CA12: variants seen among roughly 807,000 people sequenced by gnomAD.
The protein encoded by CA12 is carbonate dehydratase XII.
In CA12, 36 loss-of-function variants were observed where a neutral mutation model predicts 46.8. The ratio of observed to expected loss-of-function variants is 0.77; its 90% CI spans 0.59 to 1.02. CA12 has a LOEUF of 1.02. Among genes scored for constraint, CA12 ranks in the 50% least tolerant of loss-of-function variants. CA12 has a pLI of 0.00. For missense variants in CA12, 436 were observed against 451.4 expected (o/e 0.97, Z 0.31); for synonymous variants, 202 against 187.0 (o/e 1.08, Z -0.65).
intron 2 of CA12, among the ~76,000 whole-genome samples, chr15:63,357,925 TG>T (rs1259965097): frequency 6.6e-6 from 1 of 152,198 alleles, no homozygotes; most frequent in Non-Finnish European, 1.5e-5. Context: ...ATACAATATG[TG>T]GTCAATTGCA....
Position 63,342,025 on chromosome 15 carries a change from C to T in CA12, c.502G>A (p.Ala168Thr), listed in dbSNP as rs369979536. 2.2e-5 allele frequency: 36 copies of T among 1,613,612 alleles called. No individual in the cohort carries two copies. Among genetic ancestry groups the T allele is most frequent in the Middle Eastern group, 1.6e-4 (1 of 6,062 alleles). Reference sequence around the variant, plus strand: ...ACCTCAATGAGAACAGCCAGGACAGCGAGGCCTTCTGACTTGTTGCTGGCA... The same window carrying T: ...ACCTCAATGAGAACAGCCAGGACAGTGAGGCCTTCTGACTTGTTGCTGGCA... ...STASNKSEGL[A>T]VLAVLIEMGS... Residue 168 changes from alanine (A) to threonine (T), a missense_variant, in exon 5 of 11, where the codon GCT becomes ACT. Ala to Thr is a moderately conservative substitution (Grantham distance 58, BLOSUM62 0). Coordinates refer to ENST00000178638, the MANE Select transcript of CA12 (RefSeq NM_001218.5).
intron 2 of CA12, among the ~76,000 whole-genome samples, chr15:63,357,611 G>C (rs2039311067): frequency 6.6e-6 from 1 of 152,066 alleles, no homozygotes; most frequent in Non-Finnish European, 1.5e-5. Flanking sequence ...AGCAGAGTCA[G>C]GGCCTTTTTC....
rs1174806596 is a variant in CA12 at position 63,373,817 on chromosome 15, G to A, written c.106+1841C>T. Among the ~76,000 whole-genome samples the A allele has an allele frequency of 6.6e-6, 1 of 152,090 alleles. No individual in the cohort carries two copies. Among genetic ancestry groups the A allele is most frequent in the Non-Finnish European group, 1.5e-5 (1 of 68,016 alleles). ...GTCCTGGGGCTGAAATGGCTTACTGGGGATCATATGGAATAAAGCCCAGAA... is the reference window on the plus strand; with the variant it reads ...GTCCTGGGGCTGAAATGGCTTACTGAGGATCATATGGAATAAAGCCCAGAA... On this transcript the variant is annotated intron_variant, in intron 2 of 10. Coordinates refer to ENST00000178638, the MANE Select transcript of CA12 (RefSeq NM_001218.5). The surrounding 1 kb of genome is among the most constrained non-coding windows in gnomAD (Gnocchi z 4.9).
intron 2 of CA12, among the ~76,000 whole-genome samples, chr15:63,369,917 G>A (rs1407971779): frequency 1.3e-5 from 2 of 152,150 alleles, no homozygotes; most frequent in African/African-American, 4.8e-5. Flanking sequence ...ACACAAAAAT[G>A]TAGGCATTTT....
chr15:63,327,174 ACAC>A lies in CA12; in HGVS notation c.964_966del (p.Val322del). On this transcript the variant is annotated inframe_deletion, in exon 10 of 11. Transcript: ENST00000178638. The surrounding 1 kb of genome is among the most constrained non-coding windows in gnomAD (Gnocchi z 4.5). The stretch of plus-strand genomic sequence containing the variant: ...CTCTTCCTTCTGAAAAGCCAAATGG[ACAC>A]CACCACCACAATACAGATGCCAAGA... 6 of 1,614,068 alleles carry A rather than the reference ACAC, an allele frequency of 3.7e-6. No individual in the cohort carries two copies. Among genetic ancestry groups the A allele is most frequent in the Non-Finnish European group, 5.1e-6 (6 of 1,179,954 alleles).
chr15:63,371,145 G>T (rs1230124613), intron 2 of CA12, among the ~76,000 whole-genome samples: 1 of 152,106 alleles, frequency 6.6e-6, no homozygotes, highest in African/African-American at 2.4e-5. Context: ...AGGCTGAGAG[G>T]GTGTCTGGAG....
chr15:63,337,894 G>T (rs2039023624), intron 8 of CA12, among the ~76,000 whole-genome samples: 1 of 152,142 alleles, frequency 6.6e-6, no homozygotes, highest in Non-Finnish European at 1.5e-5. Context: ...GCCAGGCCCG[G>T]TTTGGTCCAC....
chr15:63,369,187 C>T (rs191917024), intron 2 of CA12, among the ~76,000 whole-genome samples: 2 of 152,348 alleles, frequency 1.3e-5, no homozygotes, highest in Admixed American at 6.5e-5. Flanking sequence ...AAAGGAAATA[C>T]CCTTTGTTTA....
In CA12 at chr15:63,327,364, T is replaced by C. The variant is rs1488393685; in HGVS notation, c.908-131A>G. On this transcript the variant is annotated intron_variant, in intron 9 of 10. Coordinates refer to ENST00000178638, the MANE Select transcript of CA12 (RefSeq NM_001218.5). The surrounding 1 kb of genome is among the most constrained non-coding windows in gnomAD (Gnocchi z 4.5). ...AAAGGAATAATTTCCCCATCCCTGTTCTCAGATTCTGGTCTTTGGCTTAGT... is the reference window on the plus strand; with the variant it reads ...AAAGGAATAATTTCCCCATCCCTGTCCTCAGATTCTGGTCTTTGGCTTAGT... The C allele has an allele frequency of 3.9e-6, 3 of 778,992 alleles. No homozygotes were observed. Among genetic ancestry groups the C allele is most frequent in the Non-Finnish European group, 4.4e-6 (2 of 451,678 alleles). The allele number at this position is 778,992 out of a possible 1,614,324, so 48.3% of individuals were successfully genotyped here.
At chr15:63,368,225 G>T (rs1001676901) in intron 2 of CA12, among the ~76,000 whole-genome samples, 1 of 152,198 alleles carries the variant, frequency 6.6e-6, no homozygotes, top group African/African-American at 2.4e-5. Context: ...GGGGAAAGTG[G>T]ACATCTTAGG....
intron 1 of CA12, among the ~76,000 whole-genome samples, chr15:63,381,133 A>G (rs1286088907): frequency 2.6e-5 from 4 of 152,190 alleles, no homozygotes; most frequent in African/African-American, 7.2e-5. Flanking sequence ...ACAATGATTA[A>G]GAATGGGATG....
In CA12 at chr15:63,378,584, T is replaced by C. The variant is rs1271024568; in HGVS notation, c.86-2906A>G. ...TGTATGTGACCCCCAAGTTTACTGC[T>C]CACCCCTTTGCTGAAACAACAATGA... On this transcript the variant is annotated intron_variant, in intron 1 of 10. Coordinates refer to ENST00000178638, the MANE Select transcript of CA12 (RefSeq NM_001218.5). The surrounding 1 kb of genome is among the most constrained non-coding windows in gnomAD (Gnocchi z 4.8). 1.3e-5 allele frequency among the ~76,000 whole-genome samples: 2 copies of C among 152,086 alleles called. No homozygotes were observed. The highest frequency in any genetic ancestry group is 2.9e-5 in the Non-Finnish European group (2 of 68,018).
chr15:63,334,689 G>C (rs1424499377), intron 8 of CA12, among the ~76,000 whole-genome samples: 1 of 152,136 alleles, frequency 6.6e-6, no homozygotes, highest in Non-Finnish European at 1.5e-5. Flanking sequence ...AAAAGGGAGA[G>C]AGAAAAAGAA....
At position 63,327,169 on chromosome 15, in the gene CA12, A is replaced by G; in HGVS notation, c.972T>C (p.Ile324=). The change falls in exon 10 of 11, where the codon ATT becomes ATC. Residue 324 remains isoleucine (I), a synonymous_variant. Transcript: ENST00000178638. This position sits in a 1 kb window ranked among gnomAD's most constrained non-coding sequence, Gnocchi z 4.5. The stretch of plus-strand genomic sequence containing the variant: ...CTCACCTCTTCCTTCTGAAAAGCCA[A>G]ATGGACACCACCACCACAATACAGA... ...LGICIVVVVS[I]WLFRRKSIKK... The G allele has an allele frequency of 2.5e-6, 4 of 1,614,038 alleles. No homozygotes were observed. The highest frequency in any genetic ancestry group is 3.4e-6 in the Non-Finnish European group (4 of 1,179,952).
chr15:63,362,590 G>A (rs1439755713), intron 2 of CA12, among the ~76,000 whole-genome samples: 2 of 152,218 alleles, frequency 1.3e-5, no homozygotes, highest in Admixed American at 6.5e-5. Context: ...ATTACCCAAA[G>A]AGGGGATCTG....
In CA12 at chr15:63,339,021, C is replaced by T. The variant is rs117748078; in HGVS notation, c.748-76G>A. 10,380 of 1,576,496 alleles carry T rather than the reference C, an allele frequency of 6.6e-3. 52 individuals are homozygous for T. Among genetic ancestry groups the T allele is most frequent in the Non-Finnish European group, 8.0e-3 (9,294 of 1,155,308 alleles). ...ATCCCCTGGGAAGAGGCTAGCTCTC[C>T]GCTCTTGCACCTGGGAGAAGCCTCT... On this transcript the variant is annotated intron_variant, in intron 7 of 10. Transcript: ENST00000178638. This position sits in a 1 kb window ranked among gnomAD's most constrained non-coding sequence, Gnocchi z 4.3.
chr15:63,375,742 A>G, intron 1 of CA12, 64 bp from the exon 2 acceptor site: 1 of 1,289,664 alleles, frequency 7.8e-7, no homozygotes, highest in South Asian at 1.3e-5. Flanking sequence ...AAAACACTAC[A>G]GATTTTGTTT....
chr15:63,347,681 T>A (rs972670829), intron 2 of CA12, among the ~76,000 whole-genome samples: 4 of 152,260 alleles, frequency 2.6e-5, no homozygotes, highest in Admixed American at 2.6e-4. Context: ...AGAATGTAAA[T>A]CTATGTTTAA....
Position 63,381,682 on chromosome 15 carries a change from C to T in CA12, c.39G>A (p.Leu13=), listed in dbSNP as rs1222077768. ...AAGGCTGTTCCTTTAAGATCACCAG[C>T]AGGAGCACGGCCGCCGCGTGCAGGC... ...RRSLHAAAVL[L]LVILKEQPSS... Residue 13 remains leucine, a synonymous_variant, in exon 1 of 11, where the codon CTG becomes CTA. Coordinates refer to ENST00000178638, the MANE Select transcript of CA12 (RefSeq NM_001218.5). 1 of 1,610,346 alleles carries T rather than the reference C, an allele frequency of 6.2e-7. No individual in the cohort carries two copies. Among genetic ancestry groups the T allele is most frequent in the Non-Finnish European group, 8.5e-7 (1 of 1,178,410 alleles).
Sources: gnomAD v4.1 joint callset for allele counts (sites outside exome capture counted in the v4.1 genomes callset) on GRCh38, gnomAD v4.1.1 for gene constraint, Gnocchi (gnomAD v3.1) non-coding constraint, MANE v1.5 for transcripts, NCBI Gene and HGNC (gene_info 2026-07-23, HGNC 2026-07-21) for gene names.